ZDBF2: variants seen among roughly 807,000 people sequenced by gnomAD.
ZDBF2 encodes the protein DBF4-type zinc finger-containing protein 2.
In ZDBF2, 6 loss-of-function variants were observed where a neutral mutation model predicts 9.4. The observed-to-expected ratio is 0.64, with a 90% CI of 0.35 to 1.27. The LOEUF (loss-of-function observed/expected upper bound fraction) is 1.27, where lower values mean the gene tolerates loss of function less well. Ranked by LOEUF, ZDBF2 falls within the 50% of genes most tolerant of loss-of-function variation. The pLI is 0.03. For missense variants in ZDBF2, 2,697 were observed against 2,766.8 expected, an observed-to-expected ratio of 0.97 and a Z score of 0.57; for synonymous variants, 905 against 946.3, an observed-to-expected ratio of 0.96 and a Z score of 0.80.
Position 206,308,105 on chromosome 2 carries a change from C to T in ZDBF2, c.3577C>T (p.Gln1193Ter). 1 of 1,613,946 alleles carries T rather than the reference C, an allele frequency of 6.2e-7. No individual in the cohort carries two copies. The highest frequency in any genetic ancestry group is 8.5e-7 in the Non-Finnish European group (1 of 1,179,852). The change falls in exon 5 of 5, where the codon CAA becomes TAA. Residue 1193 changes from glutamine to a stop codon, truncating the protein, a stop_gained. Transcript: ENST00000374423. LOFTEE classifies it low-confidence loss of function (END_TRUNC). ...CATTGAACTAGAAGGTAAGCACAAT[C>T]AATGTTGTGGTTCTGAAGTAAGTTT... is the stretch of plus-strand genomic sequence containing the variant. ...EHIELEGKHN[Q>*]CCGSEVSFDS...
At chr2:206,292,863 A>G (rs1407780685) in intron 3 of ZDBF2, among the ~76,000 whole-genome samples, 1 of 152,176 alleles carries the variant, frequency 6.6e-6, no homozygotes, top group African/African-American at 2.4e-5. Flanking sequence ...TCATGGATTG[A>G]AGAATCAATA....
In ZDBF2 at chr2:206,310,535, A is replaced by G. The variant is rs566988268; in HGVS notation, c.6007A>G (p.Met2003Val). 1.1e-5 allele frequency: 17 copies of G among 1,613,726 alleles called. No homozygotes were observed. The East Asian group carries it at 2.7e-4, about 25-fold the overall frequency. ...ATCATGTACTAAAGTTTTGAAGCCT[A>G]TGCAACCCAAAGCCTTAGTCTGTGT... ...PASCTKVLKP[M>V]QPKALVCVLS... Residue 2003 changes from methionine to valine, a missense_variant, in exon 5 of 5, where the codon ATG becomes GTG. This residue lies in a region of ZDBF2 where 1,783 missense variants were observed against 1,776.5 expected (regional missense o/e 1.00). Transcript: ENST00000374423.
At chr2:206,280,733 TAATG>T (rs1215373574) in intron 2 of ZDBF2, among the ~76,000 whole-genome samples, 2 of 111,722 alleles carry the variant, frequency 1.8e-5, no homozygotes, top group African/African-American at 5.6e-5. Context: ...CATTTTGACT[TAATG>T]AAGCTTTTTT....
Position 206,306,468 on chromosome 2 carries a change from A to G in ZDBF2, c.1940A>G (p.Asn647Ser). The change falls in exon 5 of 5, where the codon AAT (asparagine) becomes AGT (serine). Residue 647 changes from asparagine to serine, a missense_variant. Transcript: ENST00000374423. ...DESQRAVEKI[N>S]LLKEKNADLM... ...TCCCAGAGGGCTGTTGAAAAGATAA[A>G]TCTTCTGAAGGAGAAGAATGCTGAC... The G allele has an allele frequency of 1.2e-6, 2 of 1,613,850 alleles. No homozygotes were observed. Among genetic ancestry groups the G allele is most frequent in the Non-Finnish European group, 1.7e-6 (2 of 1,179,798 alleles).
In ZDBF2 at chr2:206,305,476, T is replaced by A; in HGVS notation, c.948T>A (p.Pro316=). 1 of 1,612,992 alleles carries A rather than the reference T, an allele frequency of 6.2e-7. No individual in the cohort carries two copies. The highest frequency in any genetic ancestry group is 1.1e-5 in the South Asian group (1 of 90,838). The change falls in exon 5 of 5, where the codon CCT becomes CCA. Residue 316 remains proline, a synonymous_variant. Coordinates refer to ENST00000374423, the MANE Select transcript of ZDBF2 (RefSeq NM_020923.3). ...TAAACCCGAATAAAACTGACATGCCTTCTAATAAAGGAATCTTTGAAGATA... is the reference window on the plus strand; with the variant it reads ...TAAACCCGAATAAAACTGACATGCCATCTAATAAAGGAATCTTTGAAGATA... ...LAVNPNKTDM[P]SNKGIFEDTI...
intron 3 of ZDBF2, among the ~76,000 whole-genome samples, chr2:206,282,146 C>T (rs1005141857): frequency 6.6e-6 from 1 of 152,026 alleles, no homozygotes; most frequent in African/African-American, 2.4e-5. Context: ...AAATTTAGTA[C>T]ATAATGCGTG....
intron 4 of ZDBF2, among the ~76,000 whole-genome samples, chr2:206,304,473 T>A (rs1692659131): frequency 1.3e-5 from 2 of 152,128 alleles, no homozygotes; most frequent in Non-Finnish European, 2.9e-5. Flanking sequence ...ATGATTTTAT[T>A]TGTTTAGTTT....
intron 4 of ZDBF2, among the ~76,000 whole-genome samples, chr2:206,303,149 C>G (rs1035396965): frequency 2.0e-5 from 3 of 151,558 alleles, no homozygotes; most frequent in Admixed American, 1.3e-4. Context: ...TTTTCTGTTT[C>G]AGAATCACAT....
chr2:206,278,926 A>G (rs993154269), intron 1 of ZDBF2, among the ~76,000 whole-genome samples: 12 of 152,172 alleles, frequency 7.9e-5, no homozygotes, highest in African/African-American at 2.7e-4. Flanking sequence ...TCTATCCCTT[A>G]AAGTTTCTAG....
In ZDBF2 at chr2:206,301,369, A is replaced by T. The variant is rs182190668; in HGVS notation, c.189-3348A>T. On this transcript the variant is annotated intron_variant, in intron 4 of 4. Transcript: ENST00000374423. ...TCAGATGTAAGGAGAATTTTTCTTT[A>T]TGGCTTCTTTTATGCCTTTTTCTTC... 7.6e-3 allele frequency among the ~76,000 whole-genome samples: 1,158 copies of T among 152,174 alleles called. 7 individuals carry two copies. The highest frequency in any genetic ancestry group is 0.017 in the Middle Eastern group (5 of 294).
rs113901623 is a variant in ZDBF2, at chr2:206,285,054, A to T, written c.60+3145A>T. Among the ~76,000 whole-genome samples, 1,213 of 152,204 alleles carry T rather than the reference A, an allele frequency of 8.0e-3. 17 individuals are homozygous for T. The highest frequency in any genetic ancestry group is 0.028 in the African/African-American group (1,160 of 41,540). On this transcript the variant is annotated intron_variant, in intron 3 of 4. Coordinates refer to ENST00000374423, the MANE Select transcript of ZDBF2 (RefSeq NM_020923.3). ...CCTTTTTTCTTTTATCTGTTGATGG[A>T]CACTTAGATTGATTCTATATCTTAG...
At chr2:206,285,905 G>A (rs1253197590) in intron 3 of ZDBF2, among the ~76,000 whole-genome samples, 1 of 152,204 alleles carries the variant, frequency 6.6e-6, no homozygotes, top group African/African-American at 2.4e-5. Flanking sequence ...TAAAGAAGCT[G>A]TTCTTTCCCC....
intron 4 of ZDBF2, among the ~76,000 whole-genome samples, chr2:206,297,923 C>T (rs1355840638): frequency 6.6e-6 from 1 of 152,142 alleles, no homozygotes; most frequent in Non-Finnish European, 1.5e-5. Flanking sequence ...TCAGGTGATC[C>T]ACCCGCCTTG....
chr2:206,289,170 G>A (rs1302443806), intron 3 of ZDBF2, among the ~76,000 whole-genome samples: 3 of 152,082 alleles, frequency 2.0e-5, no homozygotes, highest in African/African-American at 7.2e-5. Context: ...AGCTTGGCCA[G>A]GACACTATTT....
intron 3 of ZDBF2, among the ~76,000 whole-genome samples, chr2:206,293,454 A>G (rs1692003159): frequency 6.6e-6 from 1 of 152,200 alleles, no homozygotes; most frequent in Non-Finnish European, 1.5e-5. Context: ...CCGGACTGCA[A>G]TAAAGTTAAA....
Position 206,309,221 on chromosome 2 carries a change from A to G in ZDBF2, c.4693A>G (p.Thr1565Ala). 1 of 1,606,780 alleles carries G rather than the reference A, an allele frequency of 6.2e-7. No homozygotes were observed. The highest frequency in any genetic ancestry group is 8.5e-7 in the Non-Finnish European group (1 of 1,176,002). Residue 1565 changes from threonine (T) to alanine (A), a missense_variant, in exon 5 of 5, where the codon ACA becomes GCA. Thr to Ala is a moderately conservative substitution (Grantham distance 58, BLOSUM62 0). This residue lies in a region of ZDBF2 where 1,783 missense variants were observed against 1,776.5 expected (regional missense o/e 1.00). Coordinates refer to ENST00000374423, the MANE Select transcript of ZDBF2 (RefSeq NM_020923.3). Reference protein sequence around the residue: ...LTVKDISCINTECIDIEDKSC... With the variant: ...LTVKDISCINAECIDIEDKSC... ...TGTCAAAGATATCAGCTGTATAAAT[A>G]CAGAATGTATTGATATAGAAGATAA...
intron 3 of ZDBF2, among the ~76,000 whole-genome samples, chr2:206,294,274 A>C (rs995030297): frequency 3.3e-5 from 5 of 152,208 alleles, no homozygotes; most frequent in Non-Finnish European, 7.4e-5. Context: ...ATGCTTGTCA[A>C]CTTTTTATGG....
In ZDBF2 at chr2:206,284,234, C is replaced by T. The variant is rs140616538; in HGVS notation, c.60+2325C>T. Reference sequence around the variant, plus strand: ...CATAGAAATCATGTTAAAATTCATGCGCATCAGAGCTCTCCCTGTGCTACC... The same window carrying T: ...CATAGAAATCATGTTAAAATTCATGTGCATCAGAGCTCTCCCTGTGCTACC... On this transcript the variant is annotated intron_variant, in intron 3 of 4. Coordinates refer to ENST00000374423, the MANE Select transcript of ZDBF2 (RefSeq NM_020923.3). Among the ~76,000 whole-genome samples, 15 of 151,848 alleles carry T rather than the reference C, an allele frequency of 9.9e-5. No homozygotes were observed. In the East Asian group the frequency reaches 2.1e-3, roughly 22 times the overall value.
intron 4 of ZDBF2, among the ~76,000 whole-genome samples, chr2:206,297,836 C>G (rs531814843): frequency 2.0e-4 from 31 of 152,164 alleles, no homozygotes; most frequent in African/African-American, 7.0e-4. Flanking sequence ...TGTGTCACCA[C>G]GCCTGGCTAA....
Sources: allele counts gnomAD v4.1 joint callset (sites outside exome capture counted in the v4.1 genomes callset), GRCh38; gene constraint gnomAD v4.1.1; regional missense constraint gnomAD v4.1.1; transcripts MANE v1.5; gene names NCBI Gene and HGNC (gene_info 2026-07-23, HGNC 2026-07-21).